The following TNFSF4 variants were observed in gnomAD, a reference collection of about 807,000 sequenced individuals.
The protein encoded by TNFSF4 is tumor necrosis factor ligand superfamily member 4.
A neutral mutation model predicts 7.3 loss-of-function variants in TNFSF4; 4 were observed. The observed-to-expected ratio is 0.55, with a 90% confidence interval of 0.27 to 1.25. The LOEUF (loss-of-function observed/expected upper bound fraction) is 1.25. Ranked by LOEUF, TNFSF4 falls within the 50% of genes most tolerant of loss-of-function variation. The pLI is 0.12. For missense variants in TNFSF4, 181 were observed against 208.8 expected (o/e 0.87, Z 0.82); for synonymous variants, 76 against 83.7 (o/e 0.91, Z 0.50).
At chr1:173,176,409 A>C in the TNFSF4 span, among the ~76,000 whole-genome samples, 1 of 152,200 alleles carries the variant, frequency 6.6e-6, no homozygotes, top group African/African-American at 2.4e-5. Flanking sequence ...TGAAATCAAA[A>C]CCGCAGTGAG....
chr1:173,271,275 T>G, the TNFSF4 span, among the ~76,000 whole-genome samples: 5 of 152,296 alleles, frequency 3.3e-5, no homozygotes, highest in Middle Eastern at 3.4e-3. Flanking sequence ...TTTTTATGGT[T>G]TTAGGTCTAA....
chr1:173,350,203 C>T, the TNFSF4 span, among the ~76,000 whole-genome samples: 1 of 152,196 alleles, frequency 6.6e-6, no homozygotes, highest in Non-Finnish European at 1.5e-5. Flanking sequence ...CTTGGTTTTG[C>T]TGACATTCCT....
chr1:173,251,781 A>G, the TNFSF4 span, among the ~76,000 whole-genome samples: 41 of 152,230 alleles, frequency 2.7e-4, no homozygotes, highest in African/African-American at 9.9e-4. Context: ...TCTTATGGTT[A>G]TTGTGATCAT....
At chr1:173,438,124 C>G in the TNFSF4 span, among the ~76,000 whole-genome samples, 199 of 152,212 alleles carry the variant, frequency 1.3e-3, 1 homozygote, top group African/African-American at 4.7e-3. Flanking sequence ...ACTTCTATTT[C>G]TTTAATTAAA....
At chr1:173,174,690 A>G in the TNFSF4 span, 1 of 152,154 alleles carries the variant, frequency 6.6e-6, no homozygotes, top group African/African-American at 2.4e-5. Context: ...CACCCCCATG[A>G]TCTAATCACT....
the TNFSF4 span, among the ~76,000 whole-genome samples, chr1:173,356,941 T>C: frequency 6.6e-6 from 1 of 152,168 alleles, no homozygotes; most frequent in Non-Finnish European, 1.5e-5. Context: ...GCAGTGTTTC[T>C]GTATAAGCAA....
At chr1:173,406,495 C>A in the TNFSF4 span, among the ~76,000 whole-genome samples, 1 of 152,064 alleles carries the variant, frequency 6.6e-6, no homozygotes, top group African/African-American at 2.4e-5. Flanking sequence ...TTCCATGAGT[C>A]CTAGGCACTT....
the TNFSF4 span, among the ~76,000 whole-genome samples, chr1:173,407,548 A>G: frequency 7.4e-6 from 1 of 135,270 alleles, no homozygotes; most frequent in African/African-American, 2.9e-5. Context: ...TGACAGAGCA[A>G]GACTCTGCCT....
At chr1:173,326,971 C>T in the TNFSF4 span, among the ~76,000 whole-genome samples, 2 of 152,128 alleles carry the variant, frequency 1.3e-5, no homozygotes, top group African/African-American at 4.8e-5. Flanking sequence ...CAATGCCATC[C>T]CCATCAAGCT....
the TNFSF4 span, among the ~76,000 whole-genome samples, chr1:173,323,763 C>T: frequency 2.0e-5 from 3 of 151,740 alleles, no homozygotes; most frequent in Non-Finnish European, 2.9e-5. Context: ...AGGGTACCAG[C>T]GATGGGAGAC....
At chr1:173,394,117 G>A in the TNFSF4 span, among the ~76,000 whole-genome samples, 1 of 151,010 alleles carries the variant, frequency 6.6e-6, no homozygotes, top group Non-Finnish European at 1.5e-5. Context: ...GCACAGTGGT[G>A]CATGCCTGTA....
the TNFSF4 span, among the ~76,000 whole-genome samples, chr1:173,287,086 G>A: frequency 1.3e-5 from 2 of 152,174 alleles, no homozygotes; most frequent in Admixed American, 1.3e-4. Flanking sequence ...GGGAGGTGGA[G>A]GCAGGAAGAT....
chr1:173,230,617 CA>C, the TNFSF4 span, among the ~76,000 whole-genome samples: 1 of 151,754 alleles, frequency 6.6e-6, no homozygotes, highest in Non-Finnish European at 1.5e-5. Flanking sequence ...CAACACCCTT[CA>C]AAAAAATCAA....
chr1:173,308,283 C>CTG, the TNFSF4 span, among the ~76,000 whole-genome samples: 4 of 132,508 alleles, frequency 3.0e-5, no homozygotes, highest in East Asian at 6.2e-4. Flanking sequence ...CTCTCTCTCT[C>CTG]TCTGTGTGTG....
At chr1:173,378,500 T>C in the TNFSF4 span, among the ~76,000 whole-genome samples, 6 of 152,124 alleles carry the variant, frequency 3.9e-5, no homozygotes, top group Non-Finnish European at 8.8e-5. Flanking sequence ...TGGGACCAAT[T>C]TGACTCACAA....
chr1:173,436,063 GAGA>G, the TNFSF4 span, among the ~76,000 whole-genome samples: 1 of 152,216 alleles, frequency 6.6e-6, no homozygotes, highest in Non-Finnish European at 1.5e-5. Context: ...CAAAGGAGCA[GAGA>G]AGAACATCTA....
the TNFSF4 span, among the ~76,000 whole-genome samples, chr1:173,229,849 A>G: frequency 6.6e-6 from 1 of 152,202 alleles, no homozygotes; most frequent in Non-Finnish European, 1.5e-5. Flanking sequence ...CCATTGCATA[A>G]TGGTAAAGGG....
At chr1:173,428,956 G>A in the TNFSF4 span, among the ~76,000 whole-genome samples, 2 of 151,748 alleles carry the variant, frequency 1.3e-5, no homozygotes, top group Admixed American at 6.6e-5. Flanking sequence ...GCAGTGAGCC[G>A]AGATTGTGCC....
At chr1:173,445,162 T>C in the TNFSF4 span, among the ~76,000 whole-genome samples, 3 of 152,228 alleles carry the variant, frequency 2.0e-5, no homozygotes, top group Non-Finnish European at 4.4e-5. Flanking sequence ...TTCTGCTGAT[T>C]ACAGCTAAAA....
Sources: allele counts gnomAD v4.1 joint callset (sites outside exome capture counted in the v4.1 genomes callset), GRCh38; gene constraint gnomAD v4.1.1; transcripts MANE v1.5; gene names NCBI Gene and HGNC (gene_info 2026-07-23, HGNC 2026-07-21).